Variants in MED29 observed in about 807,000 individuals in gnomAD.
MED29 encodes the protein mediator complex subunit 29, also known as mediator of RNA polymerase II transcription subunit 29.
Under a neutral mutation model 22.0 loss-of-function variants are expected in MED29, and 14 were observed. The ratio of observed to expected loss-of-function variants is 0.64; its 90% confidence interval spans 0.42 to 0.99. The LOEUF (loss-of-function observed/expected upper bound fraction) is 0.99. Ranked by LOEUF, MED29 falls within the 50% of genes least tolerant of loss-of-function variation. The probability of loss-of-function intolerance (pLI) is 0.00; values close to 1 mark genes in which losing one functional copy is unlikely to be tolerated. For synonymous variants in MED29, 123 were observed against 107.8 expected (o/e 1.14, Z -0.87); for missense variants, 241 against 253.7 (o/e 0.95, Z 0.34).
intron 3 of MED29, among the ~76,000 whole-genome samples, chr19:39,394,855 C>T (rs1433208293): frequency 1.3e-5 from 2 of 151,416 alleles, no homozygotes; most frequent in African/African-American, 4.9e-5. Flanking sequence ...AGCTACCACA[C>T]CCGGCTTTTT....
intron 3 of MED29, among the ~76,000 whole-genome samples, chr19:39,396,062 G>T (rs1362460128): frequency 6.6e-6 from 1 of 152,218 alleles, no homozygotes; most frequent in Non-Finnish European, 1.5e-5. Flanking sequence ...GGTGTGCGTG[G>T]GTGTGACAGC....
Position 39,398,964 on chromosome 19 carries a change from C to A in MED29, c.*1265C>A, listed in dbSNP as rs1474894407. 6.6e-6 allele frequency: 1 copy of A among 152,188 alleles called. No homozygotes were observed. Among genetic ancestry groups the A allele is most frequent in the Non-Finnish European group, 1.5e-5 (1 of 68,028 alleles). The allele number at this position is 152,188 out of a possible 1,614,324, so 9.4% of individuals were successfully genotyped here. On this transcript the variant is annotated 3_prime_UTR_variant, in exon 4 of 4. Transcript: ENST00000315588. ...CAGCTGTGTGTCCCAGGAAATTCCT[C>A]CCCTTATTCTTCCTTGAAGTGCCCG...
At chr19:39,395,236 A>G (rs1306544980) in intron 3 of MED29, among the ~76,000 whole-genome samples, 2 of 152,208 alleles carry the variant, frequency 1.3e-5, no homozygotes, top group African/African-American at 4.8e-5. Flanking sequence ...ATTTGCTTTA[A>G]ATTTGTTTTA....
chr19:39,396,001 G>A (rs1032789827), intron 3 of MED29, among the ~76,000 whole-genome samples: 1 of 152,198 alleles, frequency 6.6e-6, no homozygotes, highest in Non-Finnish European at 1.5e-5. Context: ...AAATGTCAGG[G>A]GGAGGCCAGC....
chr19:39,393,076 CTTTTCTTTT>C (rs1568378165), intron 2 of MED29, among the ~76,000 whole-genome samples: 2 of 55,298 alleles, frequency 3.6e-5, no homozygotes, highest in Non-Finnish European at 6.9e-5. Flanking sequence ...TTCTTTCTTT[CTTTTCTTTT>C]TTTTTTTTTT....
rs941382754 is a variant in MED29, at chr19:39,398,163, C to T, written c.*464C>T. On this transcript the variant is annotated 3_prime_UTR_variant, in exon 4 of 4. Transcript: ENST00000315588. ...CATGGTCCTATTTCTCTCACTCTGA[C>T]CTCTCTCTCTTAGTCCCCTTTAGCT... 8.4e-6 allele frequency: 2 copies of T among 236,690 alleles called. No homozygotes were observed. The highest frequency in any genetic ancestry group is 1.7e-5 in the Non-Finnish European group (2 of 120,884). The allele number at this position is 236,690 out of a possible 1,614,324, so 14.7% of individuals were successfully genotyped here. A position where few individuals can be genotyped will look rare whatever the true frequency, so the allele number is the denominator to read the frequency against.
rs1383776542 is a variant in MED29 at position 39,396,345 on chromosome 19, G to T, written c.361-1112G>T. On this transcript the variant is annotated intron_variant, in intron 3 of 3. Coordinates refer to ENST00000315588, the MANE Select transcript of MED29 (RefSeq NM_017592.4). The stretch of plus-strand genomic sequence containing the variant: ...TCCCAGCTACTTGGATGAGACAAGA[G>T]AATCTCTTGAACCCGGGAGGTGGAG... Among the ~76,000 whole-genome samples the T allele has an allele frequency of 2.0e-5, 3 of 151,000 alleles. No individual in the cohort carries two copies. The East Asian group carries it at 5.9e-4, about 30-fold the overall frequency.
chr19:39,391,401 T>G lies in MED29; in HGVS notation c.-22T>G. On this transcript the variant is annotated 5_prime_UTR_variant, in exon 1 of 4. Transcript: ENST00000315588. ...GGGAGAGACGCAGTCGTAACGCACT[T>G]CCGGCGGTCTACGCGAGGAAGATGG... 5 of 1,607,966 alleles carry G rather than the reference T, an allele frequency of 3.1e-6. No individual in the cohort carries two copies. The South Asian group carries it at 4.4e-5, about 14-fold the overall frequency.
intron 2 of MED29, 102 bp downstream of exon 2, chr19:39,392,624 CTTTTTT>C (rs11432802): frequency 1.6e-4 from 83 of 519,762 alleles, no homozygotes; most frequent in Non-Finnish European, 2.0e-4. Context: ...TCTATATTTA[CTTTTTT>C]TTTTTTTTTT....
At chr19:39,394,639 C>T (rs1337464560) in intron 3 of MED29, among the ~76,000 whole-genome samples, 1 of 143,084 alleles carries the variant, frequency 7.0e-6, no homozygotes, top group Non-Finnish European at 1.5e-5. Context: ...CTTCAGCTCA[C>T]TGCAACCTTG....
intron 2 of MED29, among the ~76,000 whole-genome samples, chr19:39,393,068 CTTTCTTTCTTTTCT>C (rs2078404783): frequency 2.3e-5 from 2 of 87,602 alleles, no homozygotes. Flanking sequence ...TTCTTTCTTT[CTTTCTTTCTTTTCT>C]TTTTTTTTTT....
Position 39,397,892 on chromosome 19 carries a change from T to TC in MED29, c.*198dup. The TC allele has an allele frequency of 1.1e-6, 1 of 872,004 alleles. No homozygotes were observed. Among genetic ancestry groups the TC allele is most frequent in the African/African-American group, 1.7e-5 (1 of 59,136 alleles). The allele number at this position is 872,004 out of a possible 1,614,324, so 54.0% of individuals were successfully genotyped here. A position where few individuals can be genotyped will look rare whatever the true frequency, so the allele number is the denominator to read the frequency against. ...CTGCGTCCCTGCCCCTTCTTCCTGC[T>TC]CCCCCTCCTAGCCTAGGGTAGACTT... On this transcript the variant is annotated 3_prime_UTR_variant, in exon 4 of 4. Transcript: ENST00000315588.
intron 2 of MED29, among the ~76,000 whole-genome samples, chr19:39,393,327 C>T (rs2078409708): frequency 1.3e-5 from 2 of 151,542 alleles, no homozygotes; most frequent in African/African-American, 4.9e-5. Flanking sequence ...AACTCCTGAC[C>T]TCAGGTGATC....
rs1422526021 is a variant in MED29, at chr19:39,397,797, C to G, written c.*98C>G. ...CTAAACACAGCAGCCTCCTCTCTTCCTGCCTGAGCACCGCAGCGGGAGCCA... is the reference window on the plus strand; with the variant it reads ...CTAAACACAGCAGCCTCCTCTCTTCGTGCCTGAGCACCGCAGCGGGAGCCA... On this transcript the variant is annotated 3_prime_UTR_variant, in exon 4 of 4. Coordinates refer to ENST00000315588, the MANE Select transcript of MED29 (RefSeq NM_017592.4). 1 of 1,496,742 alleles carries G rather than the reference C, an allele frequency of 6.7e-7. No individual in the cohort carries two copies. Among genetic ancestry groups the G allele is most frequent in the Non-Finnish European group, 8.9e-7 (1 of 1,121,370 alleles). 92.7% of individuals were successfully genotyped at this position (1,496,742 alleles called of 1,614,324 possible).
intron 2 of MED29, among the ~76,000 whole-genome samples, chr19:39,393,076 CTTTTCTTTTTTTTTTTTTTTTTTT>C (rs2078406294): frequency 1.8e-5 from 1 of 55,298 alleles, no homozygotes; most frequent in Non-Finnish European, 3.4e-5. Context: ...TTCTTTCTTT[CTTTTCTTTTTTTTTTTTTTTTTTT>C]TTTTTTTTTT....
At chr19:39,394,556 CTTTTTTTTTTT>C (rs775465635) in intron 3 of MED29, among the ~76,000 whole-genome samples, 1 of 69,210 alleles carries the variant, frequency 1.4e-5, no homozygotes, top group Non-Finnish European at 2.5e-5. Context: ...TGCACCCGGC[CTTTTTTTTTTT>C]TTTTTTTTTT....
chr19:39,396,879 T>A (rs1387163324), intron 3 of MED29, among the ~76,000 whole-genome samples: 9 of 150,634 alleles, frequency 6.0e-5, no homozygotes, highest in Non-Finnish European at 1.2e-4. Flanking sequence ...AAAAAAAAAA[T>A]TAGCCGGGTG....
At chr19:39,392,317 C>G in intron 1 of MED29, 147 bp from the exon 2 acceptor site, 1 of 705,578 alleles carries the variant, frequency 1.4e-6, no homozygotes, top group South Asian at 1.7e-5. Flanking sequence ...GGAATGGAAA[C>G]GAATATTACT....
chr19:39,397,416 C>T (rs200510909), intron 3 of MED29, 41 bp from the exon 4 acceptor site: 18 of 1,583,208 alleles, frequency 1.1e-5, no homozygotes, highest in East Asian at 1.1e-4. Flanking sequence ...AGAATGACCT[C>T]GGGTGGAGCT....
Sources: allele counts gnomAD v4.1 joint callset (sites outside exome capture counted in the v4.1 genomes callset), GRCh38; gene constraint gnomAD v4.1.1; transcripts MANE v1.5; gene names NCBI Gene and HGNC (gene_info 2026-07-23, HGNC 2026-07-21).